The following AURKA variants were observed in gnomAD, a reference collection of about 807,000 sequenced individuals.
AURKA encodes the protein aurora kinase A.
AURKA carries 12 observed loss-of-function variants against 40.9 expected under a neutral mutation model. The observed-to-expected ratio is 0.29, with a 90% CI of 0.19 to 0.48. AURKA has a LOEUF of 0.48. AURKA is among the 20% of genes least tolerant of loss of function. The pLI is 0.99. For missense variants in AURKA, 322 were observed against 462.1 expected, an observed-to-expected ratio of 0.70 and a Z score of 2.78; for synonymous variants, 170 against 164.3, an observed-to-expected ratio of 1.03 and a Z score of -0.26.
intron 6 of AURKA, among the ~76,000 whole-genome samples, chr20:56,377,680 A>G (rs769970233): frequency 2.6e-5 from 4 of 152,050 alleles, no homozygotes; most frequent in Non-Finnish European, 5.9e-5. Flanking sequence ...CCAGCTACTC[A>G]GGAGTCTGAG....
rs748900943 is a variant in AURKA, at chr20:56,386,268, G to A, written c.308C>T (p.Pro103Leu). ...AAAAGCTAGTTTACCAGGTGCCGAT[G>A]GCAGGGGCTGCTTGCTCTTTTGGGT... is the stretch of plus-strand genomic sequence containing the variant. ...NNTQKSKQPL[P>L]SAPENNPEEE... The change falls in exon 3 of 9, where the codon CCA becomes CTA. Residue 103 changes from proline to leucine, a missense_variant. Pro to Leu is a moderately conservative substitution (Grantham distance 98). Transcript: ENST00000395915. 2 of 1,614,264 alleles carry A rather than the reference G, an allele frequency of 1.2e-6. No individual in the cohort carries two copies. Among genetic ancestry groups the A allele is most frequent in the Non-Finnish European group, 1.7e-6 (2 of 1,180,054 alleles).
In AURKA at chr20:56,383,104, C is replaced by A; in HGVS notation, c.447G>T (p.Leu149Phe). The change falls in exon 5 of 9, where the codon TTG becomes TTT. Residue 149 changes from leucine to phenylalanine, a missense_variant. Physicochemically the swap from Leu to Phe is conservative, Grantham distance 22. Transcript: ENST00000395915. Reference protein sequence around the residue: ...LGKGKFGNVYLAREKQSKFIL... With the variant: ...LGKGKFGNVYFAREKQSKFIL... ...TAAACTTGCTTTGCTTTTCTCTTGC[C>A]AAATAAACATTACCAAACTTTCCTT... is the stretch of plus-strand genomic sequence containing the variant. The A allele has an allele frequency of 1.2e-6, 2 of 1,614,226 alleles. No homozygotes were observed. The highest frequency in any genetic ancestry group is 1.7e-6 in the Non-Finnish European group (2 of 1,180,042).
At chr20:56,386,037 G>A (rs983889529) in intron 3 of AURKA, among the ~76,000 whole-genome samples, 1 of 152,166 alleles carries the variant, frequency 6.6e-6, no homozygotes. Context: ...CTCCCTGGGT[G>A]CCCAACTCTT....
At chr20:56,372,871 T>G (rs1028485222) in intron 7 of AURKA, among the ~76,000 whole-genome samples, 2 of 152,258 alleles carry the variant, frequency 1.3e-5, no homozygotes, top group African/African-American at 2.4e-5. Context: ...CTGCTTCAGC[T>G]GTGACAGGGG....
chr20:56,371,393 C>CA (rs1555849895), intron 7 of AURKA, among the ~76,000 whole-genome samples: 5 of 151,048 alleles, frequency 3.3e-5, no homozygotes, highest in African/African-American at 4.9e-5. Context: ...ACCCGGGAGG[C>CA]GAGCTTGTAG....
At position 56,388,545 on chromosome 20, in the gene AURKA, C is replaced by T. The variant is rs1986665532; in HGVS notation, c.-5-343G>A. 1.2e-5 allele frequency: 4 copies of T among 332,212 alleles called. No homozygotes were observed. In the South Asian group the frequency reaches 1.6e-4, roughly 14 times the overall value. 20.6% of individuals were successfully genotyped at this position (332,212 alleles called of 1,614,324 possible). A position where few individuals can be genotyped will look rare whatever the true frequency, so the allele number is the denominator to read the frequency against. Reference sequence around the variant, plus strand: ...GTCCTCTTTAGGCCGGGCATGGTGGCTTACACCTGTAATCCCAGCATTTTG... The same window carrying T: ...GTCCTCTTTAGGCCGGGCATGGTGGTTTACACCTGTAATCCCAGCATTTTG... On this transcript the variant is annotated intron_variant, in intron 1 of 8. Transcript: ENST00000395915.
intron 4 of AURKA, among the ~76,000 whole-genome samples, chr20:56,383,678 G>C (rs1986016295): frequency 6.6e-6 from 1 of 152,206 alleles, no homozygotes; most frequent in South Asian, 2.1e-4. Context: ...AGGCTAGCTG[G>C]GGCATGAGAA....
rs1246643937 is a variant in AURKA, at chr20:56,373,665, T to C, written c.706-109A>G. 12 of 1,380,122 alleles carry C rather than the reference T, an allele frequency of 8.7e-6. No homozygotes were observed. In the Admixed American group the frequency reaches 2.3e-4, roughly 27 times the overall value. The allele number at this position is 1,380,122 out of a possible 1,614,324, so 85.5% of individuals were successfully genotyped here. On this transcript the variant is annotated intron_variant, in intron 6 of 8. Coordinates refer to ENST00000395915, the MANE Select transcript of AURKA (RefSeq NM_198437.3). This position sits in a 1 kb window ranked among gnomAD's most constrained non-coding sequence, Gnocchi z 5.0. ...ACATAGATTTAACATGGTTTGCAGGTTTTGGCCAGGCACAGTGGCTCACAC... is the reference window on the plus strand; with the variant it reads ...ACATAGATTTAACATGGTTTGCAGGCTTTGGCCAGGCACAGTGGCTCACAC...
intron 6 of AURKA, among the ~76,000 whole-genome samples, chr20:56,379,807 C>G (rs1985445578): frequency 6.6e-6 from 1 of 151,322 alleles, no homozygotes; most frequent in Non-Finnish European, 1.5e-5. Flanking sequence ...ACTAAAAATA[C>G]AAAAATGAGC....
chr20:56,380,411 T>C (rs1001424129), intron 6 of AURKA, among the ~76,000 whole-genome samples: 10 of 149,284 alleles, frequency 6.7e-5, no homozygotes, highest in Admixed American at 5.3e-4. Flanking sequence ...AAAGTTGCAA[T>C]GATCTGAACC....
chr20:56,388,113 T>A, intron 2 of AURKA, 43 bp downstream of exon 2: 4 of 1,608,996 alleles, frequency 2.5e-6, no homozygotes, highest in Non-Finnish European at 3.4e-6. Flanking sequence ...AACCTCCATG[T>A]GGGTTTATAA....
At chr20:56,374,217 C>T (rs1016039781) in intron 6 of AURKA, among the ~76,000 whole-genome samples, 2 of 152,170 alleles carry the variant, frequency 1.3e-5, no homozygotes, top group Non-Finnish European at 2.9e-5. Flanking sequence ...GTTACTTTTG[C>T]ACCAACCTAA....
At chr20:56,391,182 C>T (rs1600720896) in intron 1 of AURKA, among the ~76,000 whole-genome samples, 1 of 152,188 alleles carries the variant, frequency 6.6e-6, no homozygotes, top group East Asian at 1.9e-4. Flanking sequence ...GAGGTTTATA[C>T]GGTTTATTCC....
intron 7 of AURKA, among the ~76,000 whole-genome samples, chr20:56,370,892 C>A (rs1406834786): frequency 1.3e-5 from 2 of 152,198 alleles, no homozygotes; most frequent in African/African-American, 2.4e-5. Flanking sequence ...CAGAACCTCC[C>A]TGAATAATCT....
chr20:56,376,812 G>A (rs1167143004), intron 6 of AURKA, among the ~76,000 whole-genome samples: 1 of 152,202 alleles, frequency 6.6e-6, no homozygotes, highest in East Asian at 1.9e-4. Context: ...GGGTACAGTG[G>A]CTCATGCCTG....
At chr20:56,374,833 A>G (rs1391915197) in intron 6 of AURKA, among the ~76,000 whole-genome samples, 1 of 152,200 alleles carries the variant, frequency 6.6e-6, no homozygotes, top group African/African-American at 2.4e-5. Context: ...GGATCACCTG[A>G]AGTCAGGAGT....
chr20:56,387,045 A>G (rs539274448), intron 2 of AURKA, among the ~76,000 whole-genome samples: 2 of 152,332 alleles, frequency 1.3e-5, no homozygotes, highest in Admixed American at 6.5e-5. Context: ...TTACTGTACT[A>G]TTGATTAACC....
chr20:56,373,449 T>C lies in AURKA; in HGVS notation c.813A>G (p.Lys271=). ...NLLLGSAGEL[K]IADFGWSVHA... ...GTACTGACCACCCAAAATCTGCAAT[T>C]TTAAGCTCTCCAGCTGATCCAAGAA... Residue 271 remains lysine, a synonymous_variant, in exon 7 of 9, where the codon AAA becomes AAG. Transcript: ENST00000395915. The surrounding 1 kb of genome is among the most constrained non-coding windows in gnomAD (Gnocchi z 5.0). 6.2e-7 allele frequency: 1 copy of C among 1,614,138 alleles called. No individual in the cohort carries two copies. The highest frequency in any genetic ancestry group is 1.1e-5 in the South Asian group (1 of 91,082).
intron 1 of AURKA, 63 bp from the exon 2 acceptor site, chr20:56,388,265 G>C: frequency 8.1e-7 from 1 of 1,228,864 alleles, no homozygotes; most frequent in Non-Finnish European, 1.1e-6. Context: ...GCTGTTGCTC[G>C]ATAGGCAGCG....
Sources: gnomAD v4.1 joint callset for allele counts (sites outside exome capture counted in the v4.1 genomes callset) on GRCh38, gnomAD v4.1.1 for gene constraint, Gnocchi (gnomAD v3.1) non-coding constraint, MANE v1.5 for transcripts, NCBI Gene and HGNC (gene_info 2026-07-23, HGNC 2026-07-21) for gene names.